C1orf94: variants seen among roughly 807,000 people sequenced by gnomAD.
C1orf94 encodes the protein uncharacterized protein C1orf94.
Under a neutral mutation model 53.6 loss-of-function variants are expected in C1orf94, and 45 were observed. That is an observed-to-expected ratio of 0.84 (90% CI 0.66 to 1.08). The LOEUF (loss-of-function observed/expected upper bound fraction) is 1.08, where lower values mean the gene tolerates loss of function less well. Ranked by LOEUF, C1orf94 falls within the 50% of genes least tolerant of loss-of-function variation. The probability of loss-of-function intolerance (pLI) is 0.00; values close to 1 mark genes in which losing one functional copy is unlikely to be tolerated. For missense variants in C1orf94, 762 were observed against 738.9 expected, an observed-to-expected ratio of 1.03 and a Z score of -0.36; for synonymous variants, 304 against 296.1, an observed-to-expected ratio of 1.03 and a Z score of -0.27.
chr1:34,167,974 T>C (rs1237370743), intron 1 of C1orf94, among the ~76,000 whole-genome samples: 1 of 152,204 alleles, frequency 6.6e-6, no homozygotes, highest in Non-Finnish European at 1.5e-5. Context: ...ATACACCTAG[T>C]GCACAGTCCC....
At position 34,197,942 on chromosome 1, in the gene C1orf94, G is replaced by A. The variant is rs1394975890; in HGVS notation, c.1009+29G>A. 5 of 1,575,596 alleles carry A rather than the reference G, an allele frequency of 3.2e-6. No individual in the cohort carries two copies. Among genetic ancestry groups the A allele is most frequent in the Non-Finnish European group, 4.3e-6 (5 of 1,160,420 alleles). On this transcript the variant is annotated intron_variant, in intron 2 of 6. Transcript: ENST00000488417. This position sits in a 1 kb window ranked among gnomAD's most constrained non-coding sequence, Gnocchi z 4.1. ...AGTGGGGTTGGAACTGGGGTAGAGT[G>A]GGCCTGCAAGGAGGAGGTCCTTCCC...
In C1orf94 at chr1:34,177,960, A is replaced by G; in HGVS notation, c.171A>G (p.Thr57=). The change falls in exon 1 of 7, where the codon ACA becomes ACG. Residue 57 remains threonine (T), a synonymous_variant. Transcript: ENST00000488417. ...GATACATCTGGATCCACCAGGACAC[A>G]CCCCAAGACAGCCTAGACAAGACTT... is the stretch of plus-strand genomic sequence containing the variant. ...FPRYIWIHQD[T]PQDSLDKTCH... 1 of 1,551,654 alleles carries G rather than the reference A, an allele frequency of 6.4e-7. No individual in the cohort carries two copies. The highest frequency in any genetic ancestry group is 8.7e-7 in the Non-Finnish European group (1 of 1,146,988).
At chr1:34,188,869 G>A (rs1013854928) in intron 1 of C1orf94, among the ~76,000 whole-genome samples, 7 of 152,086 alleles carry the variant, frequency 4.6e-5, no homozygotes, top group African/African-American at 1.4e-4. Flanking sequence ...CCCTGGTACC[G>A]CAACTGAATG....
intron 1 of C1orf94, among the ~76,000 whole-genome samples, chr1:34,181,367 T>C (rs1410949948): frequency 6.6e-6 from 1 of 152,220 alleles, no homozygotes; most frequent in Non-Finnish European, 1.5e-5. Flanking sequence ...ATCCAATCCA[T>C]GCAGATTTGA....
intron 4 of C1orf94, among the ~76,000 whole-genome samples, chr1:34,206,784 C>G (rs1642802205): frequency 6.6e-6 from 1 of 152,146 alleles, no homozygotes; most frequent in African/African-American, 2.4e-5. Context: ...GTGGTCATAA[C>G]AGGAGAGAGA....
intron 5 of C1orf94, among the ~76,000 whole-genome samples, 191 bp from the exon 6 acceptor site, chr1:34,212,019 C>T (rs537646517): frequency 6.6e-6 from 1 of 152,182 alleles, no homozygotes; most frequent in African/African-American, 2.4e-5. Flanking sequence ...AACTGAGGCT[C>T]AGATAAATTA....
chr1:34,169,578 CA>C (rs1402511704), intron 1 of C1orf94, among the ~76,000 whole-genome samples: 1 of 121,098 alleles, frequency 8.3e-6, no homozygotes, highest in Non-Finnish European at 1.7e-5. Flanking sequence ...AGGAAAAGAT[CA>C]AAAAGCCTTC....
chr1:34,178,220 G>A (rs1571334663), intron 1 of C1orf94, 111 bp downstream of exon 1: 3 of 1,148,922 alleles, frequency 2.6e-6, no homozygotes, highest in Non-Finnish European at 3.6e-6. Flanking sequence ...CCTAAAGGCT[G>A]TATATTGCCC....
At chr1:34,209,994 T>A (rs1642864564) in intron 5 of C1orf94, among the ~76,000 whole-genome samples, 2 of 152,246 alleles carry the variant, frequency 1.3e-5, no homozygotes, top group Non-Finnish European at 2.9e-5. Context: ...TATATAAACA[T>A]TTTTAAATAA....
At position 34,212,386 on chromosome 1, in the gene C1orf94, C is replaced by T. The variant is rs776128989; in HGVS notation, c.1701C>T (p.Tyr567=). Residue 567 remains tyrosine (Y), a synonymous_variant, in exon 6 of 7, where the codon TAC becomes TAT. Transcript: ENST00000488417. ...TAATGGCAGGAGATGGACCGCAGTACCTCTTTCCCCAAGGATATGGGTGAG... is the reference window on the plus strand; with the variant it reads ...TAATGGCAGGAGATGGACCGCAGTATCTCTTTCCCCAAGGATATGGGTGAG... ...PPLMAGDGPQ[Y]LFPQGYGFGS... 7.4e-6 allele frequency: 12 copies of T among 1,611,692 alleles called. No individual in the cohort carries two copies. The highest frequency in any genetic ancestry group is 1.0e-5 in the Non-Finnish European group (12 of 1,178,962).
At chr1:34,206,170 T>A (rs544958303) in intron 4 of C1orf94, among the ~76,000 whole-genome samples, 2 of 152,138 alleles carry the variant, frequency 1.3e-5, no homozygotes, top group South Asian at 4.2e-4. Context: ...AAGTTGGCTG[T>A]AGAAAGCAAG....
chr1:34,208,232 C>A lies in C1orf94; in HGVS notation c.1522C>A (p.Gln508Lys), dbSNP rs1423947177. ...CCCGCAGCTGGGATGTTACTCCCAA[C>A]AGGTGAGTAGACGATCTCTCCTCCT... ...LHPQLGCYSQ[Q>K]VMPYNPQQMG... The change falls in exon 5 of 7, where the codon CAG (glutamine) becomes AAG (lysine). Residue 508 changes from glutamine (Q) to lysine (K), a missense_variant and splice_region_variant. Physicochemically the swap from Gln to Lys is moderately conservative, Grantham distance 53. Coordinates refer to ENST00000488417, the MANE Select transcript of C1orf94 (RefSeq NM_001134734.2). The A allele has an allele frequency of 3.1e-6, 5 of 1,613,712 alleles. No individual in the cohort carries two copies. Among genetic ancestry groups the A allele is most frequent in the Non-Finnish European group, 4.2e-6 (5 of 1,179,832 alleles).
At chr1:34,200,343 G>A (rs1316762050) in intron 2 of C1orf94, among the ~76,000 whole-genome samples, 1 of 151,932 alleles carries the variant, frequency 6.6e-6, no homozygotes, top group Admixed American at 6.6e-5. Context: ...GAAGGAATGA[G>A]GAAAAGTAAG....
chr1:34,198,373 C>G (rs773697902), intron 2 of C1orf94, among the ~76,000 whole-genome samples: 33 of 152,192 alleles, frequency 2.2e-4, no homozygotes, highest in Non-Finnish European at 2.9e-4. Context: ...CCTGGTCCTC[C>G]CTCTCTGGGG....
At chr1:34,216,109 A>C (rs567901883) in intron 6 of C1orf94, among the ~76,000 whole-genome samples, 1 of 152,348 alleles carries the variant, frequency 6.6e-6, no homozygotes, top group Non-Finnish European at 1.5e-5. Context: ...AGTCTTAGAC[A>C]TGTGAAAATT....
intron 1 of C1orf94, among the ~76,000 whole-genome samples, chr1:34,190,839 A>G (rs896154426): frequency 7.9e-5 from 12 of 152,196 alleles, no homozygotes; most frequent in African/African-American, 2.7e-4. Context: ...AGCTTTTGAT[A>G]TATAACAAAC....
intron 3 of C1orf94, among the ~76,000 whole-genome samples, chr1:34,201,530 C>G (rs769884373): frequency 1.2e-4 from 19 of 152,176 alleles, no homozygotes; most frequent in Non-Finnish European, 2.2e-4. Flanking sequence ...CTCAACCTAA[C>G]TTCATTTGTT....
intron 5 of C1orf94, among the ~76,000 whole-genome samples, chr1:34,210,971 T>G (rs1215299627): frequency 6.6e-6 from 1 of 152,000 alleles, no homozygotes; most frequent in East Asian, 1.9e-4. Flanking sequence ...GATTTTTTTT[T>G]TTAGATAAGG....
At chr1:34,191,060 G>T (rs2148615400) in intron 1 of C1orf94, among the ~76,000 whole-genome samples, 1 of 152,280 alleles carries the variant, frequency 6.6e-6, no homozygotes, top group African/African-American at 2.4e-5. Flanking sequence ...GTTACCCTGG[G>T]CTTGTTCACA....
Sources: gnomAD v4.1 joint callset for allele counts (sites outside exome capture counted in the v4.1 genomes callset) on GRCh38, gnomAD v4.1.1 for gene constraint, Gnocchi (gnomAD v3.1) non-coding constraint, MANE v1.5 for transcripts, NCBI Gene and HGNC (gene_info 2026-07-23, HGNC 2026-07-21) for gene names.